The following FRAS1 variants were observed in gnomAD, a reference collection of about 807,000 sequenced individuals.
The protein encoded by FRAS1 is extracellular matrix organizing protein FRAS1.
FRAS1 carries 290 observed loss-of-function variants against 435.2 expected under a neutral mutation model. That is an observed-to-expected ratio of 0.67 (90% CI 0.61 to 0.73). The LOEUF (loss-of-function observed/expected upper bound fraction) is 0.73. FRAS1 is among the 30% of genes least tolerant of loss of function. The probability of loss-of-function intolerance (pLI) is 0.00; values close to 1 mark genes in which losing one functional copy is unlikely to be tolerated. For missense variants in FRAS1, 4,860 were observed against 5,001.5 expected (o/e 0.97, Z 0.85); for synonymous variants, 1,800 against 1,851.0 (o/e 0.97, Z 0.71).
chr4:78,317,300 C>T, intron 16 of FRAS1, 68 bp from the exon 17 acceptor site: 4 of 1,585,658 alleles, frequency 2.5e-6, no homozygotes, highest in Non-Finnish European at 2.6e-6. Flanking sequence ...CCCGTGAAGC[C>T]CAGCCAGGAA....
intron 22 of FRAS1, among the ~76,000 whole-genome samples, chr4:78,366,153 T>C (rs573080105): frequency 2.0e-5 from 3 of 152,166 alleles, no homozygotes; most frequent in Non-Finnish European, 4.4e-5. Context: ...ATTCTAGTTA[T>C]AGGAATCTTT....
intron 53 of FRAS1, among the ~76,000 whole-genome samples, chr4:78,473,949 G>A (rs371410910): frequency 1.2e-4 from 18 of 152,300 alleles, no homozygotes; most frequent in African/African-American, 4.1e-4. Flanking sequence ...TGATCTTAAC[G>A]ATGTGCTCTA....
chr4:78,445,065 T>G lies in FRAS1; in HGVS notation c.5666-457T>G, dbSNP rs74372730. On this transcript the variant is annotated intron_variant, in intron 41 of 73. Transcript: ENST00000512123. ...ACAGATGTTTTTAGATTAAAAGATA[T>G]GCATTTAACATTTTCTTATGTAGTG... Among the ~76,000 whole-genome samples, 527 of 152,362 alleles carry G rather than the reference T, an allele frequency of 3.5e-3. 3 individuals are homozygous for G. Among genetic ancestry groups the G allele is most frequent in the African/African-American group, 0.012 (490 of 41,588 alleles).
At chr4:78,494,283 G>A (rs1720448693) in intron 59 of FRAS1, among the ~76,000 whole-genome samples, 1 of 152,056 alleles carries the variant, frequency 6.6e-6, no homozygotes, top group Non-Finnish European at 1.5e-5. Context: ...TATGGTATAT[G>A]TCTTAGTCGA....
In FRAS1 at chr4:78,255,319, A is replaced by T. The variant is rs372173451; in HGVS notation, c.547A>T (p.Arg183Ter). 8.9e-6 allele frequency: 14 copies of T among 1,575,012 alleles called. No individual in the cohort carries two copies. Among genetic ancestry groups the T allele is most frequent in the Non-Finnish European group, 1.2e-5 (14 of 1,159,482 alleles). ...RLSRCAKCLC[R>*]NGVAQCFTAQ... is the part of the protein sequence containing the mutation. ...GAGCCGGTGTGCCAAATGTCTGTGT[A>T]GAAATGGGGTTGCCCAGTGCTTCAC... Residue 183 changes from arginine to a stop codon, truncating the protein, a stop_gained, in exon 6 of 74, where the codon AGA becomes TGA. Coordinates refer to ENST00000512123, the MANE Select transcript of FRAS1 (RefSeq NM_025074.7). LOFTEE classifies it high-confidence loss of function.
At chr4:78,526,486 G>T in intron 69 of FRAS1, 55 bp from the exon 70 acceptor site, 1 of 1,199,992 alleles carries the variant, frequency 8.3e-7, no homozygotes, top group African/African-American at 1.5e-5. Flanking sequence ...TTCTGGGTAA[G>T]CCAGCAACCT....
intron 30 of FRAS1, among the ~76,000 whole-genome samples, chr4:78,401,717 C>T (rs1732900476): frequency 6.9e-6 from 1 of 145,322 alleles, no homozygotes; most frequent in Non-Finnish European, 1.5e-5. Context: ...TTCTTGGAGT[C>T]AGAGTAGAAA....
intron 28 of FRAS1, among the ~76,000 whole-genome samples, chr4:78,385,730 C>G (rs1332809455): frequency 6.6e-6 from 1 of 151,920 alleles, no homozygotes; most frequent in Non-Finnish European, 1.5e-5. Flanking sequence ...ACTGAAAATA[C>G]AAAAATTAGC....
At chr4:78,161,775 A>G (rs1376078574) in intron 2 of FRAS1, among the ~76,000 whole-genome samples, 2 of 149,522 alleles carry the variant, frequency 1.3e-5, no homozygotes, top group Non-Finnish European at 3.0e-5. Context: ...AAAAAAAAGA[A>G]AAGAAAAGAA....
intron 2 of FRAS1, among the ~76,000 whole-genome samples, chr4:78,232,273 A>G (rs1398128657): frequency 1.3e-5 from 2 of 151,622 alleles, no homozygotes; most frequent in Non-Finnish European, 2.9e-5. Context: ...CCATAGAGAT[A>G]TTAATACAAG....
At chr4:78,453,462 C>G (rs1444093951) in intron 47 of FRAS1, among the ~76,000 whole-genome samples, 2 of 152,096 alleles carry the variant, frequency 1.3e-5, no homozygotes, top group Non-Finnish European at 2.9e-5. Flanking sequence ...CCTACACAAG[C>G]TGGGAGCTGA....
At chr4:78,164,554 C>T (rs1365656179) in intron 2 of FRAS1, among the ~76,000 whole-genome samples, 1 of 151,800 alleles carries the variant, frequency 6.6e-6, no homozygotes, top group Non-Finnish European at 1.5e-5. Context: ...AAAATCTTAC[C>T]TGAGATAATG....
intron 2 of FRAS1, among the ~76,000 whole-genome samples, chr4:78,069,792 T>G (rs868715271): frequency 3.9e-5 from 6 of 152,068 alleles, no homozygotes; most frequent in South Asian, 2.1e-4. Flanking sequence ...AATAGTTTTT[T>G]TTTTTTTTTT....
Position 78,496,911 on chromosome 4 carries a change from G to A in FRAS1, c.9065G>A (p.Arg3022Lys). 6.2e-7 allele frequency: 1 copy of A among 1,613,714 alleles called. No individual in the cohort carries two copies. Among genetic ancestry groups the A allele is most frequent in the Non-Finnish European group, 8.5e-7 (1 of 1,179,690 alleles). ...CTTGGAAACCACTGGAGTGGAGCTA[G>A]AATTGGAAAGAATAACATGGCCACC... ...LPLGNHWSGA[R>K]IGKNNMATIT... The change falls in exon 60 of 74, where the codon AGA becomes AAA. Residue 3022 changes from arginine (R) to lysine (K), a missense_variant. Transcript: ENST00000512123.
At chr4:78,490,036 C>G (rs977355237) in intron 59 of FRAS1, among the ~76,000 whole-genome samples, 12 of 145,844 alleles carry the variant, frequency 8.2e-5, no homozygotes, top group African/African-American at 3.0e-4. Context: ...GACTTTAAAC[C>G]AGCAAAGATC....
At chr4:78,331,289 G>T (rs930940145) in intron 18 of FRAS1, among the ~76,000 whole-genome samples, 3 of 152,100 alleles carry the variant, frequency 2.0e-5, no homozygotes, top group African/African-American at 7.3e-5. Flanking sequence ...AACCAGTAAG[G>T]CAGGGGCACT....
At chr4:78,294,252 C>G (rs529791209) in intron 14 of FRAS1, among the ~76,000 whole-genome samples, 2 of 152,272 alleles carry the variant, frequency 1.3e-5, no homozygotes, top group African/African-American at 4.8e-5. Flanking sequence ...AAAACTCTCC[C>G]CATCAAAAGG....
chr4:78,515,721 G>A (rs76706917), intron 65 of FRAS1, 78 bp from the exon 66 acceptor site: 235,909 of 1,335,070 alleles, frequency 0.18, 24,028 homozygotes, highest in Non-Finnish European at 0.21. Flanking sequence ...TAGTGCAAAA[G>A]GGTGAGCTCT....
At chr4:78,210,662 T>C (rs1231275860) in intron 2 of FRAS1, among the ~76,000 whole-genome samples, 1 of 152,240 alleles carries the variant, frequency 6.6e-6, no homozygotes, top group Non-Finnish European at 1.5e-5. Context: ...GTCATTGTCC[T>C]GCCCTTGTCT....
Sources: allele counts gnomAD v4.1 joint callset (sites outside exome capture counted in the v4.1 genomes callset), GRCh38; gene constraint gnomAD v4.1.1; transcripts MANE v1.5; gene names NCBI Gene and HGNC (gene_info 2026-07-23, HGNC 2026-07-21).